The following INPP4A variants were observed in gnomAD, a reference collection of about 807,000 sequenced individuals.
INPP4A encodes inositol polyphosphate-4-phosphatase type I A.
Under a neutral mutation model 119.8 loss-of-function variants are expected in INPP4A, and 33 were observed. The observed-to-expected ratio is 0.28, with a 90% CI of 0.21 to 0.37. INPP4A has a LOEUF of 0.37. INPP4A is among the 10% of genes least tolerant of loss of function. The pLI, the probability that INPP4A is intolerant of heterozygous loss-of-function variation, is 1.00. For missense variants in INPP4A, 956 were observed against 1,289.9 expected (o/e 0.74, Z 3.97); for synonymous variants, 496 against 500.7 (o/e 0.99, Z 0.12).
chr2:98,501,812 G>A (rs1683172357), intron 1 of INPP4A, among the ~76,000 whole-genome samples: 1 of 152,196 alleles, frequency 6.6e-6, no homozygotes, highest in East Asian at 1.9e-4. Context: ...GAGCCCAGGG[G>A]CTCCAACTCT....
chr2:98,507,475 G>A (rs1684293843), intron 1 of INPP4A, among the ~76,000 whole-genome samples: 2 of 152,254 alleles, frequency 1.3e-5, no homozygotes, highest in Middle Eastern at 6.8e-3. Context: ...ACTGAAAGTT[G>A]TGATGGATTG....
chr2:98,456,895 T>C (rs1696233029), intron 1 of INPP4A, among the ~76,000 whole-genome samples: 1 of 152,220 alleles, frequency 6.6e-6, no homozygotes, highest in Non-Finnish European at 1.5e-5. Context: ...GTCTAATGTC[T>C]TTACCAAGCT....
At chr2:98,535,372 C>CT (rs761023095) in intron 5 of INPP4A, among the ~76,000 whole-genome samples, 1 of 152,208 alleles carries the variant, frequency 6.6e-6, no homozygotes, top group Non-Finnish European at 1.5e-5. Context: ...ACACATTACA[C>CT]TTTAAGTTAT....
chr2:98,539,625 G>T lies in INPP4A; in HGVS notation c.768G>T (p.Leu256=), dbSNP rs757452014. 1.2e-5 allele frequency: 20 copies of T among 1,611,260 alleles called. No homozygotes were observed. The highest frequency in any genetic ancestry group is 1.6e-5 in the Non-Finnish European group (19 of 1,178,768). Residue 256 remains leucine, a synonymous_variant, in exon 10 of 25, where the codon CTG becomes CTT. Coordinates refer to ENST00000409851, the MANE Select transcript of INPP4A (RefSeq NM_001134225.2). The part of the protein sequence containing the change: ...LEQMAESVLS[L]HVPRQFVKLL... ...AGATGGCAGAGAGCGTGCTCTCCCT[G>T]CACGTGCCCCGGCAGTTCGTGAAGC... is the stretch of plus-strand genomic sequence containing the variant.
chr2:98,450,132 C>G (rs925583304), intron 1 of INPP4A, among the ~76,000 whole-genome samples: 1 of 151,874 alleles, frequency 6.6e-6, no homozygotes, highest in African/African-American at 2.4e-5. Context: ...TGACAAGGAA[C>G]CCAAGCTTTT....
At chr2:98,544,125 A>G in intron 11 of INPP4A, 118 bp downstream of exon 11, 2 of 897,138 alleles carry the variant, frequency 2.2e-6, no homozygotes, top group Non-Finnish European at 3.3e-6. Context: ...ACACAGGGTC[A>G]CTTACACATT....
At chr2:98,456,488 C>T (rs1696160002) in intron 1 of INPP4A, among the ~76,000 whole-genome samples, 1 of 152,092 alleles carries the variant, frequency 6.6e-6, no homozygotes, top group African/African-American at 2.4e-5. Flanking sequence ...CGTGTGCCAC[C>T]ACACTTGGCT....
At chr2:98,545,031 G>A (rs965079461) in intron 11 of INPP4A, among the ~76,000 whole-genome samples, 1 of 152,166 alleles carries the variant, frequency 6.6e-6, no homozygotes, top group Non-Finnish European at 1.5e-5. Context: ...CTGTGCACCC[G>A]GATCCCTTGA....
chr2:98,587,604 C>A lies in INPP4A; in HGVS notation c.2915C>A (p.Thr972Lys). The change falls in exon 25 of 25, where the codon ACG (threonine) becomes AAG (lysine). Residue 972 changes from threonine to lysine, a missense_variant. This residue lies in a region of INPP4A where 304 missense variants were observed against 492.1 expected (regional missense o/e 0.62). Coordinates refer to ENST00000409851, the MANE Select transcript of INPP4A (RefSeq NM_001134225.2). ...GAAGGGACTTACGGAAAAGTTGAAACGTGAACACACGGTTTCCTCTAATTA... is the reference window on the plus strand; with the variant it reads ...GAAGGGACTTACGGAAAAGTTGAAAAGTGAACACACGGTTTCCTCTAATTA... ...PPEGTYGKVE[T>K] is the part of the protein sequence containing the mutation. 1.3e-6 allele frequency: 2 copies of A among 1,598,802 alleles called. No individual in the cohort carries two copies. Among genetic ancestry groups the A allele is most frequent in the Non-Finnish European group, 8.5e-7 (1 of 1,175,424 alleles).
At chr2:98,455,111 G>C (rs1695890491) in intron 1 of INPP4A, among the ~76,000 whole-genome samples, 1 of 152,200 alleles carries the variant, frequency 6.6e-6, no homozygotes, top group Non-Finnish European at 1.5e-5. Flanking sequence ...GGCCAAGGCA[G>C]GAGGATCTCT....
At chr2:98,467,884 T>C (rs1347439490) in intron 1 of INPP4A, among the ~76,000 whole-genome samples, 1 of 152,132 alleles carries the variant, frequency 6.6e-6, no homozygotes, top group Non-Finnish European at 1.5e-5. Flanking sequence ...TGTCTAATAG[T>C]TATTTATTTC....
chr2:98,501,283 G>A (rs1683069853), intron 1 of INPP4A, among the ~76,000 whole-genome samples: 2 of 152,210 alleles, frequency 1.3e-5, no homozygotes, highest in South Asian at 2.1e-4. Flanking sequence ...GCAGTGAGTC[G>A]GGATTGTGCC....
At chr2:98,517,351 T>C (rs1038145126) in intron 1 of INPP4A, among the ~76,000 whole-genome samples, 1 of 152,196 alleles carries the variant, frequency 6.6e-6, no homozygotes, top group Non-Finnish European at 1.5e-5. Flanking sequence ...AGCATAAGTG[T>C]GCGTTTCTGT....
intron 1 of INPP4A, among the ~76,000 whole-genome samples, chr2:98,466,883 CGGGAAAG>C (rs1674896976): frequency 6.6e-6 from 1 of 152,160 alleles, no homozygotes; most frequent in Non-Finnish European, 1.5e-5. Flanking sequence ...TTAGAGTAGC[CGGGAAAG>C]GGCCTTTTTC....
chr2:98,568,549 G>C, intron 21 of INPP4A, 22 bp from the exon 22 acceptor site: 1 of 1,318,468 alleles, frequency 7.6e-7, no homozygotes, highest in Non-Finnish European at 1.1e-6. Context: ...CCAACTAATG[G>C]CATCCCCTAT....
At chr2:98,464,219 G>T (rs555387617) in intron 1 of INPP4A, among the ~76,000 whole-genome samples, 2 of 152,016 alleles carry the variant, frequency 1.3e-5, no homozygotes, top group Non-Finnish European at 2.9e-5. Flanking sequence ...CCTGAGTCTC[G>T]AACAAAATGG....
At position 98,546,158 on chromosome 2, in the gene INPP4A, G is replaced by T. The variant is rs1692445942; in HGVS notation, c.1054+85G>T. The T allele has an allele frequency of 1.1e-6, 1 of 928,122 alleles. No homozygotes were observed. The highest frequency in any genetic ancestry group is 1.4e-5 in the South Asian group (1 of 69,262). 57.5% of individuals were successfully genotyped at this position (928,122 alleles called of 1,614,324 possible). A position where few individuals can be genotyped will look rare whatever the true frequency, so the allele number is the denominator to read the frequency against. On this transcript the variant is annotated intron_variant, in intron 12 of 24. Coordinates refer to ENST00000409851, the MANE Select transcript of INPP4A (RefSeq NM_001134225.2). This position sits in a 1 kb window ranked among gnomAD's most constrained non-coding sequence, Gnocchi z 4.2. ...CTTGGTCCCTGAGTACCCCACATCT[G>T]CCCATTTCCCTGTGTGCTCTGGGCG...
At chr2:98,468,815 G>A (rs1675335313) in intron 1 of INPP4A, among the ~76,000 whole-genome samples, 1 of 152,060 alleles carries the variant, frequency 6.6e-6, no homozygotes, top group Admixed American at 6.5e-5. Context: ...GGCTGAGATT[G>A]AGAGCCAGAG....
intron 8 of INPP4A, 131 bp downstream of exon 8, chr2:98,538,105 G>C: frequency 1.6e-6 from 1 of 630,706 alleles, no homozygotes; most frequent in Non-Finnish European, 2.8e-6. Flanking sequence ...TGCTCCCCAC[G>C]GACACTCCGG....
Sources: gnomAD v4.1 joint callset for allele counts (sites outside exome capture counted in the v4.1 genomes callset) on GRCh38, gnomAD v4.1.1 for gene constraint, gnomAD v4.1.1 regional missense constraint, Gnocchi (gnomAD v3.1) non-coding constraint, MANE v1.5 for transcripts, NCBI Gene and HGNC (gene_info 2026-07-23, HGNC 2026-07-21) for gene names.